DHRS3: variants seen among roughly 807,000 people sequenced by gnomAD.
DHRS3 encodes the protein dehydrogenase/reductase 3, also known as short-chain dehydrogenase/reductase 3.
DHRS3 carries 14 observed loss-of-function variants against 27.2 expected under a neutral mutation model. That is an observed-to-expected ratio of 0.52 (90% CI 0.34 to 0.81). The LOEUF (loss-of-function observed/expected upper bound fraction) is 0.81, where lower values mean the gene tolerates loss of function less well. DHRS3 is among the 30% of genes least tolerant of loss of function. The pLI is 0.01. For synonymous variants in DHRS3, 165 were observed against 175.9 expected (o/e 0.94, Z 0.49); for missense variants, 322 against 406.2 (o/e 0.79, Z 1.78).
In DHRS3 at chr1:12,568,168, G is replaced by A. The variant is rs577349567; in HGVS notation, c.*172C>T. ...CTGTGGGGGTCAGTTATACCCATCA[G>A]TCCTGTGCAAAGGTCCTGGGACTGG... On this transcript the variant is annotated 3_prime_UTR_variant, in exon 6 of 6. Coordinates refer to ENST00000616661, the MANE Select transcript of DHRS3 (RefSeq NM_004753.7). 431 of 623,614 alleles carry A rather than the reference G, an allele frequency of 6.9e-4. No homozygotes were observed. Among genetic ancestry groups the A allele is most frequent in the Non-Finnish European group, 1.1e-3 (395 of 347,422 alleles). 38.6% of individuals were successfully genotyped at this position (623,614 alleles called of 1,614,324 possible).
In DHRS3 at chr1:12,597,162, C is replaced by T. The variant is rs529969344; in HGVS notation, c.196-16496G>A. On this transcript the variant is annotated intron_variant, in intron 1 of 5. Coordinates refer to ENST00000616661, the MANE Select transcript of DHRS3 (RefSeq NM_004753.7). ...CGCGATCTCGGCTCACTGCAACCTC[C>T]GCCTCCCGGGTTCAAGCGATTCTCC... Among the ~76,000 whole-genome samples the T allele has an allele frequency of 3.3e-5, 5 of 152,228 alleles. No homozygotes were observed. The East Asian group carries it at 5.8e-4, about 18-fold the overall frequency.
chr1:12,579,590 C>G (rs1407816626), intron 2 of DHRS3, among the ~76,000 whole-genome samples, 178 bp from the exon 3 acceptor site: 1 of 152,222 alleles, frequency 6.6e-6, no homozygotes, highest in Non-Finnish European at 1.5e-5. Context: ...ATTCTCATGC[C>G]TCAGCCTCCC....
intron 1 of DHRS3, 46 bp from the exon 2 acceptor site, chr1:12,580,712 C>A: frequency 6.4e-7 from 1 of 1,572,022 alleles, no homozygotes; most frequent in South Asian, 1.2e-5. Flanking sequence ...CATTAAGCCA[C>A]AGTGATGCAA....
At chr1:12,581,736 C>T (rs949837248) in intron 1 of DHRS3, among the ~76,000 whole-genome samples, 3 of 152,126 alleles carry the variant, frequency 2.0e-5, no homozygotes, top group Non-Finnish European at 4.4e-5. Flanking sequence ...GTAAAAGGGC[C>T]TGGAGTCGGA....
intron 1 of DHRS3, among the ~76,000 whole-genome samples, chr1:12,611,581 T>C (rs545913932): frequency 6.6e-6 from 1 of 152,298 alleles, no homozygotes; most frequent in South Asian, 2.1e-4. Context: ...TAGCAAAGGC[T>C]GAGATCAGTG....
intron 1 of DHRS3, chr1:12,596,091 G>C (rs1257508398): frequency 6.6e-6 from 1 of 152,388 alleles, no homozygotes; most frequent in Non-Finnish European, 1.5e-5. Flanking sequence ...GGTTACCCCA[G>C]CTGCACACAC....
chr1:12,569,229 T>TCACACACACACACACACA (rs1557509306), intron 5 of DHRS3, among the ~76,000 whole-genome samples: 22 of 140,362 alleles, frequency 1.6e-4, no homozygotes, highest in Admixed American at 5.7e-4. Flanking sequence ...TCTCTCTCTC[T>TCACACACACACACACACA]CTCACACACA....
At position 12,574,115 on chromosome 1, in the gene DHRS3, A is replaced by G. The variant is rs901529118; in HGVS notation, c.699-1262T>C. Among the ~76,000 whole-genome samples the G allele has an allele frequency of 6.6e-6, 1 of 152,222 alleles. No homozygotes were observed. Among genetic ancestry groups the G allele is most frequent in the African/African-American group, 2.4e-5 (1 of 41,470 alleles). Reference sequence around the variant, plus strand: ...CAGCAGGGGTTTGGCCTCAGAGGGTACATGAATCTTACCCCCTGCCCTGTA... The same window carrying G: ...CAGCAGGGGTTTGGCCTCAGAGGGTGCATGAATCTTACCCCCTGCCCTGTA... On this transcript the variant is annotated intron_variant, in intron 4 of 5. Transcript: ENST00000616661. This position sits in a 1 kb window ranked among gnomAD's most constrained non-coding sequence, Gnocchi z 4.6.
rs190915041 is a variant in DHRS3 at position 12,574,034 on chromosome 1, T to G, written c.699-1181A>C. On this transcript the variant is annotated intron_variant, in intron 4 of 5. Coordinates refer to ENST00000616661, the MANE Select transcript of DHRS3 (RefSeq NM_004753.7). This position sits in a 1 kb window ranked among gnomAD's most constrained non-coding sequence, Gnocchi z 4.6. ...GCTCTGGCACCAGGAAGATTAAGGGTGATGAATCACCCAGGTTTGATGTCA... is the reference window on the plus strand; with the variant it reads ...GCTCTGGCACCAGGAAGATTAAGGGGGATGAATCACCCAGGTTTGATGTCA... Among the ~76,000 whole-genome samples the G allele has an allele frequency of 2.6e-5, 4 of 152,244 alleles. No individual in the cohort carries two copies. The highest frequency in any genetic ancestry group is 5.9e-5 in the Non-Finnish European group (4 of 68,016).
chr1:12,611,465 T>C (rs1646909087), intron 1 of DHRS3, among the ~76,000 whole-genome samples: 1 of 152,238 alleles, frequency 6.6e-6, no homozygotes, highest in Non-Finnish European at 1.5e-5. Context: ...GGCAGACAGC[T>C]ACCTGTTGAG....
chr1:12,578,688 G>A lies in DHRS3; in HGVS notation c.698+30C>T, dbSNP rs751253364. The stretch of plus-strand genomic sequence containing the variant: ...GCTTGGGGAGGCAGGTGAGAAGGCT[G>A]GTCTCAAGGTGGGTCCCCTGCTCAC... On this transcript the variant is annotated intron_variant, in intron 4 of 5. Transcript: ENST00000616661. This position sits in a 1 kb window ranked among gnomAD's most constrained non-coding sequence, Gnocchi z 4.5. 3.8e-6 allele frequency: 6 copies of A among 1,586,328 alleles called. No individual in the cohort carries two copies. In the South Asian group the frequency reaches 6.6e-5, roughly 18 times the overall value.
rs147025386 is a variant in DHRS3 at position 12,608,780 on chromosome 1, C to T, written c.195+8374G>A. ...GGTCTGCATTTTCGAGCCCTCCCCA[C>T]GGGCCTAGCATGGGCCTCCAGAACC... On this transcript the variant is annotated intron_variant, in intron 1 of 5. Coordinates refer to ENST00000616661, the MANE Select transcript of DHRS3 (RefSeq NM_004753.7). The surrounding 1 kb of genome is among the most constrained non-coding windows in gnomAD (Gnocchi z 4.1). Among the ~76,000 whole-genome samples, 14 of 152,332 alleles carry T rather than the reference C, an allele frequency of 9.2e-5. No homozygotes were observed. Among genetic ancestry groups the T allele is most frequent in the East Asian group, 3.9e-4 (2 of 5,184 alleles).
At chr1:12,585,394 A>AGTGTGTGT (rs1317480709) in intron 1 of DHRS3, among the ~76,000 whole-genome samples, 1 of 63,186 alleles carries the variant, frequency 1.6e-5, no homozygotes, top group Non-Finnish European at 5.6e-5. Flanking sequence ...TCTGTGTGTG[A>AGTGTGTGT]CTGTGTGTGT....
intron 1 of DHRS3, among the ~76,000 whole-genome samples, chr1:12,580,904 C>A (rs959890991): frequency 2.0e-5 from 3 of 152,122 alleles, no homozygotes; most frequent in Admixed American, 1.3e-4. Flanking sequence ...CTCACTGCAG[C>A]CTCAAACTCC....
At chr1:12,605,868 C>T (rs1320376202) in intron 1 of DHRS3, among the ~76,000 whole-genome samples, 1 of 152,078 alleles carries the variant, frequency 6.6e-6, no homozygotes, top group Non-Finnish European at 1.5e-5. Flanking sequence ...TGGCTAGGTG[C>T]GGTGCCTCAC....
Position 12,617,290 on chromosome 1 carries a change from A to T in DHRS3, c.59T>A (p.Val20Glu), listed in dbSNP as rs1646950841. The T allele has an allele frequency of 6.2e-7, 1 of 1,613,644 alleles. No individual in the cohort carries two copies. Among genetic ancestry groups the T allele is most frequent in the South Asian group, 1.1e-5 (1 of 91,086 alleles). The change falls in exon 1 of 6, where the codon GTG becomes GAG. Residue 20 changes from valine to glutamate, a missense_variant. Coordinates refer to ENST00000616661, the MANE Select transcript of DHRS3 (RefSeq NM_004753.7). ...VMFPLQMIYL[V>E]VKAAVGLVLP... The stretch of plus-strand genomic sequence containing the variant: ...CACCAGTCCGACGGCTGCTTTCACC[A>T]CCAGATAGATCATCTGTAGAGGGAA...
chr1:12,587,846 C>T (rs1177513891), intron 1 of DHRS3, among the ~76,000 whole-genome samples: 1 of 152,226 alleles, frequency 6.6e-6, no homozygotes, highest in Non-Finnish European at 1.5e-5. Context: ...TTGGGTCCAA[C>T]CCCTTGTCCC....
intron 1 of DHRS3, chr1:12,596,012 G>T (rs866133266): frequency 2.1e-4 from 32 of 152,506 alleles, no homozygotes; most frequent in African/African-American, 6.0e-4. Context: ...AGCTGTAAAT[G>T]AGATGCAAGG....
intron 1 of DHRS3, among the ~76,000 whole-genome samples, chr1:12,595,711 T>G: frequency 7.8e-6 from 1 of 128,014 alleles, no homozygotes; most frequent in African/African-American, 3.1e-5. Context: ...GCGGTCAGGG[T>G]GCAGATGGGG....
Sources: gnomAD v4.1 joint callset for allele counts (sites outside exome capture counted in the v4.1 genomes callset) on GRCh38, gnomAD v4.1.1 for gene constraint, Gnocchi (gnomAD v3.1) non-coding constraint, MANE v1.5 for transcripts, NCBI Gene and HGNC (gene_info 2026-07-23, HGNC 2026-07-21) for gene names.